MMP26: variants seen among roughly 807,000 people sequenced by gnomAD.
The protein encoded by MMP26 is matrix metalloproteinase-26.
Under a neutral mutation model 31.0 loss-of-function variants are expected in MMP26, and 33 were observed. The ratio of observed to expected loss-of-function variants is 1.06; its 90% CI spans 0.81 to 1.42. The LOEUF (loss-of-function observed/expected upper bound fraction) is 1.42. Among genes scored for constraint, MMP26 ranks in the 40% most tolerant of loss-of-function variants. MMP26 has a pLI of 0.00. For missense variants in MMP26, 347 were observed against 316.1 expected, an observed-to-expected ratio of 1.10 and a Z score of -0.74; for synonymous variants, 122 against 114.9, an observed-to-expected ratio of 1.06 and a Z score of -0.40.
chr11:4,804,750 G>A (rs899512013), intron 2 of MMP26: 1 of 356,366 alleles, frequency 2.8e-6, no homozygotes, highest in Non-Finnish European at 5.5e-6. Context: ...TTCAAGACCA[G>A]CCTGGCTGAC....
intron 2 of MMP26, among the ~76,000 whole-genome samples, chr11:4,870,363 T>G (rs1850294683): frequency 6.6e-6 from 1 of 152,146 alleles, no homozygotes. Context: ...TTATATGGTC[T>G]ATACCATGTA....
intron 2 of MMP26, among the ~76,000 whole-genome samples, chr11:4,922,587 G>A (rs77739586): frequency 0.02 from 3,106 of 152,202 alleles, 47 homozygotes; most frequent in Non-Finnish European, 0.032. Flanking sequence ...TGCAGACTTT[G>A]TTTGATATGG....
intron 2 of MMP26, among the ~76,000 whole-genome samples, chr11:4,811,990 T>A (rs933061287): frequency 1.3e-5 from 2 of 152,182 alleles, no homozygotes; most frequent in Non-Finnish European, 2.9e-5. Flanking sequence ...CACAGCTGTT[T>A]GTCGAAGCCC....
intron 1 of MMP26, among the ~76,000 whole-genome samples, chr11:4,762,422 G>C (rs1196652487): frequency 6.6e-6 from 1 of 151,996 alleles, no homozygotes; most frequent in Non-Finnish European, 1.5e-5. Flanking sequence ...TGTAGAGTTA[G>C]GGCCTCTTAA....
intron 2 of MMP26, among the ~76,000 whole-genome samples, chr11:4,836,535 C>G (rs904035965): frequency 6.6e-6 from 1 of 150,908 alleles, no homozygotes; most frequent in African/African-American, 2.4e-5. Flanking sequence ...TAAATATCCA[C>G]CTTGATTAAT....
At chr11:4,838,315 T>TAAAAAAAAAAAAAAAAAAAAAAAAAAA (rs540572047) in intron 2 of MMP26, among the ~76,000 whole-genome samples, 1 of 27,406 alleles carries the variant, frequency 3.6e-5, no homozygotes, top group African/African-American at 7.7e-5. Context: ...AGACTCTGTC[T>TAAAAAAAAAAAAAAAAAAAAAAAAAAA]AAAAAAAAAA....
intron 1 of MMP26, among the ~76,000 whole-genome samples, chr11:4,748,307 C>A (rs1186367942): frequency 6.6e-6 from 1 of 151,890 alleles, no homozygotes; most frequent in Non-Finnish European, 1.5e-5. Context: ...AATAAAAAAT[C>A]TTACAAATAA....
At chr11:4,835,019 G>A (rs1179401455) in intron 2 of MMP26, among the ~76,000 whole-genome samples, 1 of 151,842 alleles carries the variant, frequency 6.6e-6, no homozygotes, top group Non-Finnish European at 1.5e-5. Context: ...ACATTCAGTA[G>A]GCAACCCCTG....
intron 2 of MMP26, among the ~76,000 whole-genome samples, chr11:4,970,009 C>G (rs9651651): frequency 0.47 from 71,526 of 151,910 alleles, 18,238 homozygotes; most frequent in South Asian, 0.64. Flanking sequence ...TTTGGTAATA[C>G]TATTCAGAAG....
chr11:4,992,267 C>G lies in MMP26; in HGVS notation c.*25C>G, dbSNP rs1332990897. ...ATGTTAGCACAGAGGACTTATTCAA[C>G]CTGTCCTTTCAGGGAGTTTATTGGA... On this transcript the variant is annotated 3_prime_UTR_variant, in exon 8 of 8. Transcript: ENST00000380390. The G allele has an allele frequency of 8.7e-6, 14 of 1,601,750 alleles. 1 individual carries two copies. The East Asian group carries it at 3.1e-4, about 36-fold the overall frequency.
chr11:4,706,736 G>A (rs1046650172), intron 1 of MMP26, among the ~76,000 whole-genome samples: 1 of 152,064 alleles, frequency 6.6e-6, no homozygotes, highest in African/African-American at 2.4e-5. Flanking sequence ...TTTAGTAACT[G>A]AAACTTTATA....
chr11:4,874,657 C>CT (rs1277328638), intron 2 of MMP26, among the ~76,000 whole-genome samples: 2 of 151,804 alleles, frequency 1.3e-5, no homozygotes, highest in African/African-American at 4.8e-5. Context: ...TTCAGAGCCA[C>CT]TATAGCACTA....
intron 2 of MMP26, among the ~76,000 whole-genome samples, chr11:4,853,453 A>G (rs1850003335): frequency 6.6e-6 from 1 of 152,230 alleles, no homozygotes; most frequent in Non-Finnish European, 1.5e-5. Context: ...AGATTAAAAA[A>G]TTGAAAACCC....
chr11:4,958,954 A>G (rs1031253041), intron 2 of MMP26, among the ~76,000 whole-genome samples: 1 of 152,176 alleles, frequency 6.6e-6, no homozygotes, highest in African/African-American at 2.4e-5. Flanking sequence ...AATGCAGAAG[A>G]TAGGCCGGGC....
At chr11:4,705,377 G>A (rs1212445794) in intron 1 of MMP26, among the ~76,000 whole-genome samples, 1 of 152,196 alleles carries the variant, frequency 6.6e-6, no homozygotes, top group Admixed American at 6.5e-5. Flanking sequence ...GTGAATTTGA[G>A]AACGTCGTAT....
intron 2 of MMP26, among the ~76,000 whole-genome samples, chr11:4,903,408 G>A (rs988092916): frequency 2.0e-5 from 3 of 152,084 alleles, no homozygotes; most frequent in African/African-American, 7.2e-5. Context: ...TCTCCATTTT[G>A]TGGATGATTA....
intron 2 of MMP26, among the ~76,000 whole-genome samples, chr11:4,952,755 G>T (rs11824573): frequency 0.23 from 28,967 of 123,620 alleles, 9,098 homozygotes; most frequent in Non-Finnish European, 0.26. Context: ...AAAAAGCTGG[G>T]TCATTGTGAA....
At chr11:4,871,503 A>G (rs187348115) in intron 2 of MMP26, among the ~76,000 whole-genome samples, 12 of 152,190 alleles carry the variant, frequency 7.9e-5, no homozygotes, top group Admixed American at 7.2e-4. Context: ...TTGCTACCAT[A>G]GATCTGTATT....
chr11:4,807,577 T>A (rs549379583), intron 2 of MMP26, among the ~76,000 whole-genome samples: 1 of 120,958 alleles, frequency 8.3e-6, no homozygotes, highest in Admixed American at 1.2e-4. Flanking sequence ...CGAGAACACA[T>A]GGATACAGGG....
Sources: gnomAD v4.1 joint callset for allele counts (sites outside exome capture counted in the v4.1 genomes callset) on GRCh38, gnomAD v4.1.1 for gene constraint, MANE v1.5 for transcripts, NCBI Gene and HGNC (gene_info 2026-07-23, HGNC 2026-07-21) for gene names.